Variants in PDHX observed in about 807,000 individuals in gnomAD.
PDHX encodes pyruvate dehydrogenase complex component X.
A neutral mutation model predicts 55.3 loss-of-function variants in PDHX; 33 were observed. The ratio of observed to expected loss-of-function variants is 0.60; its 90% confidence interval spans 0.45 to 0.80. The LOEUF (loss-of-function observed/expected upper bound fraction) is 0.80. Ranked by LOEUF, PDHX falls within the 30% of genes least tolerant of loss-of-function variation. The pLI is 0.00. For missense variants in PDHX, 622 were observed against 619.9 expected (o/e 1.00, Z -0.04); for synonymous variants, 226 against 219.4 (o/e 1.03, Z -0.27).
chr11:34,940,473 T>G (rs1854447860), intron 2 of PDHX, among the ~76,000 whole-genome samples: 1 of 152,200 alleles, frequency 6.6e-6, no homozygotes, highest in Non-Finnish European at 1.5e-5. Flanking sequence ...TATGTATATG[T>G]TTGTGGTGCT....
At position 34,960,263 on chromosome 11, in the gene PDHX, T is replaced by C. The variant is rs1854995037; in HGVS notation, c.543-157T>C. Among the ~76,000 whole-genome samples, 4 of 152,236 alleles carry C rather than the reference T, an allele frequency of 2.6e-5. No homozygotes were observed. The South Asian group carries it at 8.3e-4, about 31-fold the overall frequency. ...TGTTTAAAGAATAAAATAAACCAAA[T>C]TGGTACAGATTATTTGACTGTGACC... is the stretch of plus-strand genomic sequence containing the variant. On this transcript the variant is annotated intron_variant, in intron 4 of 10. Coordinates refer to ENST00000227868, the MANE Select transcript of PDHX (RefSeq NM_003477.3).
chr11:34,936,608 G>A (rs924126353), intron 2 of PDHX, among the ~76,000 whole-genome samples: 1 of 151,990 alleles, frequency 6.6e-6, no homozygotes, highest in Admixed American at 6.6e-5. Context: ...ACATACTTTT[G>A]CAACAGCAGG....
intron 2 of PDHX, among the ~76,000 whole-genome samples, chr11:34,939,611 A>G (rs12282382): frequency 0.19 from 28,490 of 151,886 alleles, 3,805 homozygotes; most frequent in African/African-American, 0.39. Context: ...TCTGCCATGA[A>G]CTACCTGGGA....
At chr11:34,963,545 G>A (rs1174609060) in intron 5 of PDHX, among the ~76,000 whole-genome samples, 1 of 152,178 alleles carries the variant, frequency 6.6e-6, no homozygotes. Context: ...CTCTCGAAGT[G>A]CTGGGAATGC....
intron 7 of PDHX, among the ~76,000 whole-genome samples, chr11:34,976,234 A>G (rs1173378987): frequency 6.6e-6 from 1 of 152,188 alleles, no homozygotes; most frequent in Non-Finnish European, 1.5e-5. Flanking sequence ...CCTCTTTCTC[A>G]TATAAAGTTA....
chr11:34,957,328 A>C, intron 3 of PDHX, 56 bp from the exon 4 acceptor site: 1 of 1,083,622 alleles, frequency 9.2e-7, no homozygotes, highest in Non-Finnish European at 1.4e-6. Flanking sequence ...AGAACAAACT[A>C]CTTAATGCAG....
intron 8 of PDHX, among the ~76,000 whole-genome samples, chr11:34,982,456 A>C (rs1418902100): frequency 1.3e-5 from 2 of 152,144 alleles, no homozygotes; most frequent in African/African-American, 4.8e-5. Flanking sequence ...ACACAAAAAA[A>C]CCTTCAAAAA....
At chr11:34,951,339 G>A (rs1220433499) in intron 3 of PDHX, among the ~76,000 whole-genome samples, 7 of 152,124 alleles carry the variant, frequency 4.6e-5, no homozygotes, top group Middle Eastern at 3.4e-3. Flanking sequence ...GATTACAAGC[G>A]TGAGCCACCG....
chr11:34,956,673 TAA>T (rs1854911625), intron 3 of PDHX, among the ~76,000 whole-genome samples: 1 of 151,836 alleles, frequency 6.6e-6, no homozygotes. Context: ...TGATTTTATT[TAA>T]GTGTTTAATT....
intron 5 of PDHX, among the ~76,000 whole-genome samples, chr11:34,965,318 C>T (rs1350926174): frequency 6.6e-6 from 1 of 152,160 alleles, no homozygotes; most frequent in African/African-American, 2.4e-5. Context: ...CCAGAGGCCA[C>T]GTGCAGGGCC....
At chr11:34,961,855 A>G (rs747531322) in intron 5 of PDHX, among the ~76,000 whole-genome samples, 3 of 152,232 alleles carry the variant, frequency 2.0e-5, no homozygotes, top group Admixed American at 6.5e-5. Context: ...TGGGATTTTT[A>G]GTTAAAGGAT....
chr11:34,987,315 G>C (rs1855667822), intron 9 of PDHX, among the ~76,000 whole-genome samples: 1 of 152,146 alleles, frequency 6.6e-6, no homozygotes, highest in Non-Finnish European at 1.5e-5. Context: ...AGGCCAGTGT[G>C]TCACATGGTA....
chr11:34,927,066 C>T (rs1168783501), intron 1 of PDHX, among the ~76,000 whole-genome samples: 1 of 151,946 alleles, frequency 6.6e-6, no homozygotes, highest in East Asian at 1.9e-4. Flanking sequence ...TTAAAATCAG[C>T]AAGTTTAAAT....
At chr11:34,927,039 G>A (rs2986410) in intron 1 of PDHX, among the ~76,000 whole-genome samples, 56,587 of 151,818 alleles carry the variant, frequency 0.37, 10,929 homozygotes, top group East Asian at 0.74. Context: ...ATAGTTATGA[G>A]TCATGAGACT....
At chr11:34,956,012 A>G (rs942202872) in intron 3 of PDHX, among the ~76,000 whole-genome samples, 1 of 152,148 alleles carries the variant, frequency 6.6e-6, no homozygotes, top group African/African-American at 2.4e-5. Flanking sequence ...AAACACTTTT[A>G]GAAGAAAAAT....
chr11:34,918,287 AAAG>A (rs951554165), intron 1 of PDHX, among the ~76,000 whole-genome samples: 15 of 151,574 alleles, frequency 9.9e-5, no homozygotes, highest in Non-Finnish European at 1.9e-4. Context: ...AAAAAAAAAA[AAAG>A]AAAGAAAAAA....
chr11:34,966,526 C>T, intron 5 of PDHX, 114 bp from the exon 6 acceptor site: 2 of 982,376 alleles, frequency 2.0e-6, no homozygotes, highest in South Asian at 1.3e-5. Flanking sequence ...TTAATTATAA[C>T]CTTGACATCT....
chr11:34,988,950 A>G (rs975932225), intron 9 of PDHX, among the ~76,000 whole-genome samples: 2 of 152,196 alleles, frequency 1.3e-5, no homozygotes, highest in African/African-American at 4.8e-5. Flanking sequence ...AAACTTTATC[A>G]TAATTGTGTA....
intron 8 of PDHX, among the ~76,000 whole-genome samples, chr11:34,979,683 CTAT>C (rs1365239347): frequency 2.6e-5 from 4 of 152,038 alleles, no homozygotes; most frequent in South Asian, 2.1e-4. Flanking sequence ...AATTAATTGA[CTAT>C]TATTGTGATT....
Sources: allele counts gnomAD v4.1 joint callset (sites outside exome capture counted in the v4.1 genomes callset), GRCh38; gene constraint gnomAD v4.1.1; transcripts MANE v1.5; gene names NCBI Gene and HGNC (gene_info 2026-07-23, HGNC 2026-07-21).